TASP1: variants seen among roughly 807,000 people sequenced by gnomAD.
TASP1 encodes taspase 1, also known as threonine aspartase 1.
A neutral mutation model predicts 56.6 loss-of-function variants in TASP1; 16 were observed. The observed-to-expected ratio is 0.28, with a 90% CI of 0.19 to 0.43. The LOEUF (loss-of-function observed/expected upper bound fraction) is 0.43, where lower values mean the gene tolerates loss of function less well. Ranked by LOEUF, TASP1 falls within the 20% of genes least tolerant of loss-of-function variation. TASP1 has a pLI of 1.00. For synonymous variants in TASP1, 179 were observed against 184.2 expected (o/e 0.97, Z 0.23); for missense variants, 393 against 511.6 (o/e 0.77, Z 2.24).
At chr20:13,591,453 G>A (rs73268996) in intron 4 of TASP1, among the ~76,000 whole-genome samples, 66 of 152,082 alleles carry the variant, frequency 4.3e-4, no homozygotes, top group African/African-American at 1.5e-3. Context: ...AACTAAGAGA[G>A]GAAACAAACT....
intron 10 of TASP1, among the ~76,000 whole-genome samples, chr20:13,513,325 A>T (rs2044406818): frequency 6.7e-6 from 1 of 148,874 alleles, no homozygotes; most frequent in African/African-American, 2.4e-5. Context: ...CCATACGAGT[A>T]GTATAAGTTC....
At chr20:13,601,745 G>T (rs1289242702) in intron 4 of TASP1, among the ~76,000 whole-genome samples, 2 of 151,770 alleles carry the variant, frequency 1.3e-5, no homozygotes, top group African/African-American at 4.8e-5. Flanking sequence ...ACTGTGTAAG[G>T]CATGTGATAC....
At chr20:13,393,665 CA>C in intron 13 of TASP1, 1 of 1,305,648 alleles carries the variant, frequency 7.7e-7, no homozygotes, top group Non-Finnish European at 1.1e-6. Flanking sequence ...ACATGGCCTC[CA>C]AGGAATAAGA....
intron 8 of TASP1, among the ~76,000 whole-genome samples, chr20:13,554,060 C>A (rs1290672315): frequency 6.6e-6 from 1 of 152,142 alleles, no homozygotes; most frequent in Non-Finnish European, 1.5e-5. Flanking sequence ...TCTGGCACTT[C>A]TCCCTCTTTG....
the TASP1 span, among the ~76,000 whole-genome samples, chr20:13,305,853 G>A: frequency 1.4e-4 from 21 of 152,292 alleles, no homozygotes; most frequent in East Asian, 4.0e-3. Context: ...TTTAATTTCT[G>A]TGTAGAGATT....
chr20:13,385,433 C>T (rs769979703), downstream of TASP1, among the ~76,000 whole-genome samples: 3 of 152,220 alleles, frequency 2.0e-5, no homozygotes, highest in Non-Finnish European at 4.4e-5. Context: ...CCTTATCACT[C>T]GGAGAATGTC....
At position 13,483,442 on chromosome 20, in the gene TASP1, G is replaced by C. The variant is rs1322005048; in HGVS notation, c.875-105C>G. ...TATGCATCATTTAAGAGAGTAGTTA[G>C]CTGGGAAAATAATTCCGTGAGGGAT... On this transcript the variant is annotated intron_variant, in intron 10 of 13. Coordinates refer to ENST00000337743, the MANE Select transcript of TASP1 (RefSeq NM_017714.3). 3 of 662,526 alleles carry C rather than the reference G, an allele frequency of 4.5e-6. No individual in the cohort carries two copies. In the African/African-American group the frequency reaches 5.6e-5, roughly 12 times the overall value. 41.0% of individuals were successfully genotyped at this position (662,526 alleles called of 1,614,324 possible).
intron 10 of TASP1, among the ~76,000 whole-genome samples, chr20:13,521,994 G>T (rs1034811080): frequency 4.6e-5 from 7 of 152,158 alleles, no homozygotes; most frequent in Non-Finnish European, 8.8e-5. Context: ...CTGATGAGGT[G>T]AGAGTGGGGG....
the TASP1 span, among the ~76,000 whole-genome samples, chr20:13,367,495 G>C: frequency 5.9e-5 from 9 of 152,160 alleles, no homozygotes; most frequent in Non-Finnish European, 1.3e-4. Context: ...CGATCACTCA[G>C]CTTAGACCAA....
chr20:13,491,245 A>T (rs1363983402), intron 10 of TASP1, among the ~76,000 whole-genome samples: 2 of 152,226 alleles, frequency 1.3e-5, no homozygotes, highest in Non-Finnish European at 2.9e-5. Context: ...TAACTTGATT[A>T]TCTAGAGACT....
chr20:13,306,863 G>T, the TASP1 span, among the ~76,000 whole-genome samples: 2 of 152,160 alleles, frequency 1.3e-5, no homozygotes, highest in African/African-American at 4.8e-5. Context: ...GGTGTCCCAT[G>T]CTGGTGGCTA....
chr20:13,357,049 G>A, the TASP1 span, among the ~76,000 whole-genome samples: 6 of 152,132 alleles, frequency 3.9e-5, no homozygotes, highest in African/African-American at 1.4e-4. Flanking sequence ...ATGCTACTGT[G>A]AGCCAAGGGA....
chr20:13,360,423 G>A, the TASP1 span, among the ~76,000 whole-genome samples: 33 of 150,314 alleles, frequency 2.2e-4, no homozygotes, highest in South Asian at 1.7e-3. Flanking sequence ...CCTGCCAATC[G>A]TGTCCAACTG....
rs187975657 is a variant in TASP1, at chr20:13,443,840, T to C, written c.986-8686A>G. Among the ~76,000 whole-genome samples the C allele has an allele frequency of 2.6e-5, 4 of 152,200 alleles. No individual in the cohort carries two copies. In the East Asian group the frequency reaches 7.7e-4, roughly 29 times the overall value. The stretch of plus-strand genomic sequence containing the variant: ...GCAGAAAGGGGAATTTGCCAGCTCA[T>C]AAAATCTAAGAGGAAAAAAACCAAA... On this transcript the variant is annotated intron_variant, in intron 11 of 13. Transcript: ENST00000337743.
the TASP1 span, among the ~76,000 whole-genome samples, chr20:13,210,459 G>A: frequency 7.6e-4 from 116 of 152,248 alleles, no homozygotes; most frequent in African/African-American, 2.7e-3. Context: ...AGGAACATAT[G>A]CTGCAGCCAT....
the TASP1 span, among the ~76,000 whole-genome samples, chr20:13,129,697 T>C: frequency 1.3e-5 from 2 of 152,244 alleles, no homozygotes; most frequent in Admixed American, 1.3e-4. Context: ...CTCCTCCGAT[T>C]GGTTCATCAC....
At chr20:13,214,734 C>T in the TASP1 span, among the ~76,000 whole-genome samples, 1 of 152,124 alleles carries the variant, frequency 6.6e-6, no homozygotes, top group Non-Finnish European at 1.5e-5. Flanking sequence ...GGGTACAAAG[C>T]CAGCTTGTAA....
intron 8 of TASP1, among the ~76,000 whole-genome samples, chr20:13,542,459 G>A (rs1418475093): frequency 6.6e-6 from 1 of 152,132 alleles, no homozygotes; most frequent in African/African-American, 2.4e-5. Context: ...TTATGAAGAG[G>A]TCAAGCAAGA....
chr20:13,423,760 T>G (rs1388459225), intron 12 of TASP1, among the ~76,000 whole-genome samples: 1 of 152,208 alleles, frequency 6.6e-6, no homozygotes, highest in Admixed American at 6.5e-5. Context: ...AATTTGATCC[T>G]GTTTTCATAT....
Sources: allele counts gnomAD v4.1 joint callset (sites outside exome capture counted in the v4.1 genomes callset), GRCh38; gene constraint gnomAD v4.1.1; transcripts MANE v1.5; gene names NCBI Gene and HGNC (gene_info 2026-07-23, HGNC 2026-07-21).